Variants in NDST2 observed in about 807,000 individuals in gnomAD.
The protein encoded by NDST2 is N-deacetylase and N-sulfotransferase 2, also known as bifunctional heparan sulfate N-deacetylase/N-sulfotransferase 2.
In NDST2, 32 loss-of-function variants were observed where a neutral mutation model predicts 86.9. That is an observed-to-expected ratio of 0.37 (90% confidence interval 0.28 to 0.49). The LOEUF is 0.49. Among genes scored for constraint, NDST2 ranks in the 20% least tolerant of loss-of-function variants. NDST2 has a pLI of 0.97. For missense variants in NDST2, 950 were observed against 1,146.9 expected (o/e 0.83, Z 2.48); for synonymous variants, 409 against 437.0 (o/e 0.94, Z 0.80).
intron 11 of NDST2, 22 bp from the exon 12 acceptor site, chr10:73,803,381 G>A (rs1209181077): frequency 2.5e-6 from 4 of 1,613,752 alleles, no homozygotes; most frequent in Non-Finnish European, 3.4e-6. Context: ...AGAGAAGGAA[G>A]GTGAAGGACT....
Position 73,805,938 on chromosome 10 carries a change from G to A in NDST2, c.1525C>T (p.Arg509Ter), listed in dbSNP as rs770108811. Reference protein sequence around the residue: ...GGSRELDRSIRGGELFLTVLL... With the variant: ...GGSRELDRSI ...ACTGTCAGAAAGAGCTCTCCACCTC[G>A]GATGCTCCGGTCTAGTTCACGAGAG... is the stretch of plus-strand genomic sequence containing the variant. The change falls in exon 7 of 15, where the codon CGA (arginine) becomes TGA (stop). Residue 509 changes from arginine (R) to a stop codon, truncating the protein, a stop_gained. Transcript: ENST00000309979. LOFTEE classifies it high-confidence loss of function. 10 of 1,614,046 alleles carry A rather than the reference G, an allele frequency of 6.2e-6. No individual in the cohort carries two copies. The highest frequency in any genetic ancestry group is 4.0e-5 in the African/African-American group (3 of 74,902).
chr10:73,811,092 G>A (rs1330565425), intron 1 of NDST2, among the ~76,000 whole-genome samples, 189 bp from the exon 2 acceptor site: 7 of 152,098 alleles, frequency 4.6e-5, no homozygotes, highest in Admixed American at 4.6e-4. Context: ...CAGCGGCGCG[G>A]AGGCTGCGGG....
At chr10:73,805,190 C>T (rs1028757821) in intron 8 of NDST2, among the ~76,000 whole-genome samples, 1 of 151,782 alleles carries the variant, frequency 6.6e-6, no homozygotes, top group African/African-American at 2.4e-5. Context: ...CATGAGCCAC[C>T]GTGCCCGGCC....
chr10:73,804,631 T>G, intron 9 of NDST2, 142 bp downstream of exon 9: 2 of 417,494 alleles, frequency 4.8e-6, no homozygotes, highest in Non-Finnish European at 8.4e-6. Flanking sequence ...AGTGAGACTC[T>G]TATCTCAAAA....
chr10:73,804,866 G>T lies in NDST2; in HGVS notation c.1750C>A (p.Pro584Thr). The T allele has an allele frequency of 6.3e-7, 1 of 1,597,942 alleles. No homozygotes were observed. Residue 584 changes from proline (P) to threonine (T), a missense_variant, in exon 9 of 15, where the codon CCC (proline) becomes ACC (threonine). Physicochemically the swap from Pro to Thr is conservative, Grantham distance 38. Transcript: ENST00000309979. Reference protein sequence around the residue: ...PQERSPLWQNPCDDKRHKDIW... With the variant: ...PQERSPLWQNTCDDKRHKDIW... ...TCTTTGTGCCTCTTGTCATCACAGGGATTCTGAAGCCAGGGCCAATAATCA... is the reference window on the plus strand; with the variant it reads ...TCTTTGTGCCTCTTGTCATCACAGGTATTCTGAAGCCAGGGCCAATAATCA...
chr10:73,805,930 T>C lies in NDST2; in HGVS notation c.1533A>G (p.Gly511=), dbSNP rs200890224. The part of the protein sequence containing the change: ...SRELDRSIRG[G]ELFLTVLLNP... Reference sequence around the variant, plus strand: ...TAAGCAGCACTGTCAGAAAGAGCTCTCCACCTCGGATGCTCCGGTCTAGTT... The same window carrying C: ...TAAGCAGCACTGTCAGAAAGAGCTCCCCACCTCGGATGCTCCGGTCTAGTT... Residue 511 remains glycine (G), a synonymous_variant, in exon 7 of 15, where the codon GGA becomes GGG. Coordinates refer to ENST00000309979, the MANE Select transcript of NDST2 (RefSeq NM_003635.4). The C allele has an allele frequency of 1.5e-5, 24 of 1,614,222 alleles. No homozygotes were observed. Among genetic ancestry groups the C allele is most frequent in the Non-Finnish European group, 2.0e-5 (24 of 1,180,048 alleles).
chr10:73,804,161 TGAGA>T, intron 9 of NDST2, 145 bp from the exon 10 acceptor site: 1 of 846,574 alleles, frequency 1.2e-6, no homozygotes, highest in East Asian at 2.6e-5. Flanking sequence ...GAGGCAAGTC[TGAGA>T]GAGGCCCAGG....
At chr10:73,802,605 G>T (rs1426694859) in intron 14 of NDST2, 29 bp from the exon 15 acceptor site, 7 of 1,614,094 alleles carry the variant, frequency 4.3e-6, no homozygotes, top group South Asian at 1.1e-5. Flanking sequence ...GGCAGAAATG[G>T]TAAGAAGTGG....
intron 9 of NDST2, among the ~76,000 whole-genome samples, chr10:73,804,362 C>T (rs1034273518): frequency 1.2e-4 from 19 of 152,150 alleles, no homozygotes; most frequent in African/African-American, 2.4e-4. Flanking sequence ...AAATTAAGGC[C>T]GGGTGCGGTG....
chr10:73,806,227 T>G lies in NDST2; in HGVS notation c.1434+62A>C. ...GCAGTTGATAGAGAACATAGGTCAATGCATGTTGAAAGCTGTCTAAATGTT... is the reference window on the plus strand; with the variant it reads ...GCAGTTGATAGAGAACATAGGTCAAGGCATGTTGAAAGCTGTCTAAATGTT... On this transcript the variant is annotated intron_variant, in intron 6 of 14. Coordinates refer to ENST00000309979, the MANE Select transcript of NDST2 (RefSeq NM_003635.4). The surrounding 1 kb of genome is among the most constrained non-coding windows in gnomAD (Gnocchi z 4.5). The G allele has an allele frequency of 6.3e-7, 1 of 1,597,952 alleles. No individual in the cohort carries two copies. The highest frequency in any genetic ancestry group is 1.1e-5 in the South Asian group (1 of 90,586).
In NDST2 at chr10:73,806,086, G is replaced by A. The variant is rs1274826621; in HGVS notation, c.1435-58C>T. ...AAAGATAGAATGAGAAGTAGATGGA[G>A]GACACTGGGATTTATAGAGGACTGA... On this transcript the variant is annotated intron_variant, in intron 6 of 14. Coordinates refer to ENST00000309979, the MANE Select transcript of NDST2 (RefSeq NM_003635.4). This position sits in a 1 kb window ranked among gnomAD's most constrained non-coding sequence, Gnocchi z 4.5. The A allele has an allele frequency of 1.1e-5, 18 of 1,595,578 alleles. No homozygotes were observed. In the African/African-American group the frequency reaches 1.2e-4, roughly 11 times the overall value.
At position 73,806,252 on chromosome 10, in the gene NDST2, T is replaced by C; in HGVS notation, c.1434+37A>G. ...TGCATGTTGAAAGCTGTCTAAATGT[T>C]AGAGTTTGATTCAAGCCTGTATTGG... On this transcript the variant is annotated intron_variant, in intron 6 of 14. Transcript: ENST00000309979. The surrounding 1 kb of genome is among the most constrained non-coding windows in gnomAD (Gnocchi z 4.5). 1 of 1,610,618 alleles carries C rather than the reference T, an allele frequency of 6.2e-7. No homozygotes were observed. Among genetic ancestry groups the C allele is most frequent in the Non-Finnish European group, 8.5e-7 (1 of 1,178,034 alleles).
At chr10:73,807,238 T>C (rs752649580) in intron 3 of NDST2, 43 bp from the exon 4 acceptor site, 2 of 1,578,500 alleles carry the variant, frequency 1.3e-6, no homozygotes, top group Admixed American at 3.3e-5. Flanking sequence ...GAGAGCAGAC[T>C]GAACAGGAAA....
chr10:73,806,081 A>C lies in NDST2; in HGVS notation c.1435-53T>G. On this transcript the variant is annotated intron_variant, in intron 6 of 14. Transcript: ENST00000309979. The surrounding 1 kb of genome is among the most constrained non-coding windows in gnomAD (Gnocchi z 4.5). The stretch of plus-strand genomic sequence containing the variant: ...ATTTGAAAGATAGAATGAGAAGTAG[A>C]TGGAGGACACTGGGATTTATAGAGG... 6.2e-7 allele frequency: 1 copy of C among 1,600,026 alleles called. No individual in the cohort carries two copies. Among genetic ancestry groups the C allele is most frequent in the South Asian group, 1.1e-5 (1 of 89,612 alleles).
rs758273750 is a variant in NDST2 at position 73,808,164 on chromosome 10, G to A, written c.225C>T (p.Pro75=). ...PARPPVPPRP[P]RPPETARTEP... ...CAGTTCGAGCTGTCTCTGGAGGCCT[G>A]GGGGGCCGAGGTGGAACTGGAGGCC... is the stretch of plus-strand genomic sequence containing the variant. Residue 75 remains proline (P), a synonymous_variant, in exon 3 of 15, where the codon CCC becomes CCT. Coordinates refer to ENST00000309979, the MANE Select transcript of NDST2 (RefSeq NM_003635.4). The surrounding 1 kb of genome is among the most constrained non-coding windows in gnomAD (Gnocchi z 4.3). The A allele has an allele frequency of 2.5e-6, 4 of 1,614,172 alleles. No individual in the cohort carries two copies. The African/African-American group carries it at 4.0e-5, about 16-fold the overall frequency.
chr10:73,807,900 C>T lies in NDST2; in HGVS notation c.489G>A (p.Glu163=), dbSNP rs1453586756. The change falls in exon 3 of 15, where the codon GAG becomes GAA. Residue 163 remains glutamate (E), a synonymous_variant. Coordinates refer to ENST00000309979, the MANE Select transcript of NDST2 (RefSeq NM_003635.4). ...SRELLDRYCV[E]YGVGIIGFFR... ...AAAAGCCAATGATGCCCACACCATA[C>T]TCCACGCAGTACCGGTCTAGCAGTT... The T allele has an allele frequency of 1.2e-6, 2 of 1,614,194 alleles. No homozygotes were observed. The highest frequency in any genetic ancestry group is 1.3e-5 in the African/African-American group (1 of 75,038).
In NDST2 at chr10:73,804,106, C is replaced by G. The variant is rs1289900162; in HGVS notation, c.1844-90G>C. On this transcript the variant is annotated intron_variant, in intron 9 of 14. Transcript: ENST00000309979. ...AAGCTTGAAGGAAGTGAAAAAATAA[C>G]CACTCTGGGTAGGAAAATCCCCTAT... The G allele has an allele frequency of 5.3e-6, 8 of 1,507,782 alleles. No homozygotes were observed. In the South Asian group the frequency reaches 8.9e-5, roughly 17 times the overall value. 93.4% of individuals were successfully genotyped at this position (1,507,782 alleles called of 1,614,324 possible).
chr10:73,810,548 A>C, intron 2 of NDST2: 1 of 341,722 alleles, frequency 2.9e-6, no homozygotes, highest in Non-Finnish European at 5.2e-6. Flanking sequence ...AGAGGATCAA[A>C]ATGGTGACGG....
intron 3 of NDST2, 87 bp downstream of exon 3, chr10:73,807,297 T>TATG (rs2084120277): frequency 1.3e-6 from 2 of 1,576,326 alleles, no homozygotes; most frequent in South Asian, 2.2e-5. Context: ...GGAGTGTACC[T>TATG]ATGACAAGCT....
Sources: allele counts gnomAD v4.1 joint callset (sites outside exome capture counted in the v4.1 genomes callset), GRCh38; gene constraint gnomAD v4.1.1; non-coding constraint Gnocchi (gnomAD v3.1); transcripts MANE v1.5; gene names NCBI Gene and HGNC (gene_info 2026-07-23, HGNC 2026-07-21).